CDH13: variants seen among roughly 807,000 people sequenced by gnomAD.
CDH13 encodes the protein cadherin-13.
CDH13 carries 24 observed loss-of-function variants against 63.8 expected under a neutral mutation model. The ratio of observed to expected loss-of-function variants is 0.38; its 90% CI spans 0.27 to 0.53. The LOEUF is 0.53. Ranked by LOEUF, CDH13 falls within the 20% of genes least tolerant of loss-of-function variation. The pLI is 0.85. For missense variants in CDH13, 1,049 were observed against 903.1 expected, an observed-to-expected ratio of 1.16 and a Z score of -2.07; for synonymous variants, 503 against 355.3, an observed-to-expected ratio of 1.42 and a Z score of -4.67.
chr16:82,912,671 C>T (rs1263452355), intron 2 of CDH13, among the ~76,000 whole-genome samples: 6 of 152,170 alleles, frequency 3.9e-5, no homozygotes, highest in Non-Finnish European at 7.3e-5. Context: ...TCGCCGGGCG[C>T]GGTGGCTCAC....
chr16:83,669,407 A>G (rs1914303651), intron 8 of CDH13, among the ~76,000 whole-genome samples: 1 of 152,152 alleles, frequency 6.6e-6, no homozygotes, highest in African/African-American at 2.4e-5. Context: ...GAATTCTATG[A>G]TTTTTGTGAG....
intron 1 of CDH13, among the ~76,000 whole-genome samples, chr16:82,672,853 T>C (rs1273315430): frequency 6.6e-6 from 1 of 151,714 alleles, no homozygotes; most frequent in African/African-American, 2.4e-5. Flanking sequence ...CTCACTGTGT[T>C]GCCCAGGCTG....
chr16:83,276,464 CTGCTAA>C (rs1323777157), intron 5 of CDH13, among the ~76,000 whole-genome samples: 1 of 152,140 alleles, frequency 6.6e-6, no homozygotes, highest in East Asian at 1.9e-4. Context: ...CATTTTCACC[CTGCTAA>C]TTAAAATATA....
chr16:82,933,883 G>C (rs996545483), intron 2 of CDH13, among the ~76,000 whole-genome samples: 3 of 152,232 alleles, frequency 2.0e-5, no homozygotes, highest in Non-Finnish European at 4.4e-5. Context: ...CAGGAAGTGT[G>C]TTCCCATGGC....
chr16:82,947,093 C>G (rs1159976678), intron 2 of CDH13, among the ~76,000 whole-genome samples: 1 of 151,474 alleles, frequency 6.6e-6, no homozygotes. Flanking sequence ...TTATTCCTCT[C>G]TCTGATTACT....
intron 6 of CDH13, among the ~76,000 whole-genome samples, chr16:83,458,122 C>T (rs886403238): frequency 1.3e-5 from 2 of 152,174 alleles, no homozygotes; most frequent in Non-Finnish European, 2.9e-5. Context: ...CAAGAAACCC[C>T]AGGGCTTTCC....
intron 1 of CDH13, among the ~76,000 whole-genome samples, chr16:82,735,778 C>T (rs1597438294): frequency 1.3e-5 from 2 of 152,316 alleles, no homozygotes; most frequent in East Asian, 3.9e-4. Context: ...TGAACAGCAG[C>T]GTTCTGCCAA....
At chr16:83,443,687 A>G (rs1341095387) in intron 6 of CDH13, among the ~76,000 whole-genome samples, 2 of 143,380 alleles carry the variant, frequency 1.4e-5, no homozygotes, top group Admixed American at 7.1e-5. Flanking sequence ...CCTGGGCAAC[A>G]GAGTGCGAAG....
chr16:83,190,687 A>G (rs1461654812), intron 4 of CDH13, among the ~76,000 whole-genome samples: 1 of 152,214 alleles, frequency 6.6e-6, no homozygotes, highest in East Asian at 1.9e-4. Context: ...CCCAAGTGCT[A>G]ATACTCTGTC....
intron 3 of CDH13, among the ~76,000 whole-genome samples, chr16:83,078,205 A>G (rs1301480948): frequency 1.3e-5 from 2 of 152,132 alleles, no homozygotes; most frequent in African/African-American, 4.8e-5. Flanking sequence ...AGTCTCTTCT[A>G]TCTGGATTTT....
In CDH13 at chr16:83,572,672, C is replaced by T. The variant is rs1025393745; in HGVS notation, c.961-29782C>T. On this transcript the variant is annotated intron_variant, in intron 7 of 13. Transcript: ENST00000567109. Reference sequence around the variant, plus strand: ...ATGTTATTCCTGGCCACTTCCGGGACATGGGCAGAGGAAAAGCTATTGAAC... The same window carrying T: ...ATGTTATTCCTGGCCACTTCCGGGATATGGGCAGAGGAAAAGCTATTGAAC... Among the ~76,000 whole-genome samples, 53 of 152,312 alleles carry T rather than the reference C, an allele frequency of 3.5e-4. 1 individual carries two copies. Among genetic ancestry groups the T allele is most frequent in the African/African-American group, 1.3e-3 (52 of 41,572 alleles).
Position 82,824,181 on chromosome 16 carries a change from T to G in CDH13, c.46-34181T>G, listed in dbSNP as rs189095876. 1.3e-4 allele frequency: 20 copies of G among 152,220 alleles called. No homozygotes were observed. In the East Asian group the frequency reaches 3.9e-3, roughly 29 times the overall value. The allele number at this position is 152,220 out of a possible 1,614,324, so 9.4% of individuals were successfully genotyped here. On this transcript the variant is annotated intron_variant, in intron 1 of 13. Coordinates refer to ENST00000567109, the MANE Select transcript of CDH13 (RefSeq NM_001257.5). ...TTGAGCCTCAAAACAAAATAAGTGATTTCAATGGATTTAAATACACTAAAT... is the reference window on the plus strand; with the variant it reads ...TTGAGCCTCAAAACAAAATAAGTGAGTTCAATGGATTTAAATACACTAAAT...
intron 1 of CDH13, among the ~76,000 whole-genome samples, chr16:82,857,685 G>A (rs927358167): frequency 1.3e-5 from 2 of 152,124 alleles, no homozygotes; most frequent in African/African-American, 4.8e-5. Context: ...TAAGAAACTG[G>A]TGAAATTAAT....
At chr16:83,430,865 G>T (rs2072078514) in intron 6 of CDH13, among the ~76,000 whole-genome samples, 1 of 151,262 alleles carries the variant, frequency 6.6e-6, no homozygotes, top group Non-Finnish European at 1.5e-5. Context: ...TGTGCACATT[G>T]TGCAGGTTAG....
intron 6 of CDH13, among the ~76,000 whole-genome samples, chr16:83,402,233 G>C (rs138142261): frequency 6.6e-6 from 1 of 152,104 alleles, no homozygotes; most frequent in Non-Finnish European, 1.5e-5. Context: ...TAGCAAAACT[G>C]TCTGGCTCCC....
At chr16:83,356,467 G>A (rs912404472) in intron 6 of CDH13, among the ~76,000 whole-genome samples, 42 of 152,046 alleles carry the variant, frequency 2.8e-4, no homozygotes, top group South Asian at 8.3e-4. Flanking sequence ...GTCAAGACAG[G>A]CCACAAATGT....
intron 1 of CDH13, among the ~76,000 whole-genome samples, chr16:82,772,632 T>A (rs2035315876): frequency 6.6e-6 from 1 of 152,248 alleles, no homozygotes; most frequent in African/African-American, 2.4e-5. Context: ...CTGAGCTAGA[T>A]GCTTTACTTT....
At chr16:82,762,270 T>C (rs995868862) in intron 1 of CDH13, among the ~76,000 whole-genome samples, 1 of 152,216 alleles carries the variant, frequency 6.6e-6, no homozygotes, top group African/African-American at 2.4e-5. Flanking sequence ...ATGCTGAGGA[T>C]TTTTAAGACT....
At chr16:82,947,587 A>T (rs1032494476) in intron 2 of CDH13, among the ~76,000 whole-genome samples, 6 of 152,208 alleles carry the variant, frequency 3.9e-5, no homozygotes, top group African/African-American at 1.4e-4. Context: ...TTACAAAAAG[A>T]CATTTTAAAA....
Sources: allele counts gnomAD v4.1 joint callset (sites outside exome capture counted in the v4.1 genomes callset), GRCh38; gene constraint gnomAD v4.1.1; transcripts MANE v1.5; gene names NCBI Gene and HGNC (gene_info 2026-07-23, HGNC 2026-07-21).